JPH3: variants seen among roughly 807,000 people sequenced by gnomAD.
The protein encoded by JPH3 is junctophilin-3.
A neutral mutation model predicts 59.6 loss-of-function variants in JPH3; 11 were observed. The ratio of observed to expected loss-of-function variants is 0.18; its 90% CI spans 0.12 to 0.31. The LOEUF (loss-of-function observed/expected upper bound fraction) is 0.31. JPH3 is among the 10% of genes least tolerant of loss of function. JPH3 has a pLI of 1.00. For missense variants in JPH3, 1,202 were observed against 1,105.7 expected (o/e 1.09, Z -1.24); for synonymous variants, 673 against 483.6 (o/e 1.39, Z -5.14).
In JPH3 at chr16:87,611,931, C is replaced by A. The variant is rs1286536438; in HGVS notation, c.382+8403C>A. Among the ~76,000 whole-genome samples, 1 of 152,166 alleles carries A rather than the reference C, an allele frequency of 6.6e-6. No homozygotes were observed. The highest frequency in any genetic ancestry group is 2.4e-5 in the African/African-American group (1 of 41,432). On this transcript the variant is annotated intron_variant, in intron 1 of 4. Coordinates refer to ENST00000284262, the MANE Select transcript of JPH3 (RefSeq NM_020655.4). This position sits in a 1 kb window ranked among gnomAD's most constrained non-coding sequence, Gnocchi z 4.5. ...ATGCAGCGTGTCAGGCCTGCCTGAC[C>A]TCCAGGGTCAGGATGTGTGTTTGGA...
intron 1 of JPH3, among the ~76,000 whole-genome samples, chr16:87,636,644 C>T (rs55701221): frequency 7.9e-5 from 12 of 152,306 alleles, no homozygotes; most frequent in African/African-American, 2.9e-4. Flanking sequence ...CGTGTGCTTT[C>T]GTGTAGCCAA....
At chr16:87,691,671 C>T (rs2033581417) in intron 4 of JPH3, among the ~76,000 whole-genome samples, 1 of 152,176 alleles carries the variant, frequency 6.6e-6, no homozygotes, top group Non-Finnish European at 1.5e-5. Context: ...GCGGCAATGC[C>T]TGTTTCTGCC....
At chr16:87,660,146 G>A (rs555125509) in intron 2 of JPH3, among the ~76,000 whole-genome samples, 1 of 152,250 alleles carries the variant, frequency 6.6e-6, no homozygotes, top group African/African-American at 2.4e-5. Context: ...ACCTGCCTCC[G>A]AGCCTGGGGA....
intron 2 of JPH3, among the ~76,000 whole-genome samples, chr16:87,647,399 AG>A (rs1422015103): frequency 2.0e-5 from 3 of 151,848 alleles, no homozygotes; most frequent in African/African-American, 7.3e-5. Context: ...AGACGGGTGG[AG>A]GGAGTGAGAG....
At chr16:87,681,037 C>T (rs1444879275) in intron 2 of JPH3, among the ~76,000 whole-genome samples, 2 of 152,146 alleles carry the variant, frequency 1.3e-5, no homozygotes, top group African/African-American at 2.4e-5. Context: ...CCGTCCTCTC[C>T]GGGAGCTTAC....
chr16:87,627,498 T>G (rs1369138553), intron 1 of JPH3, among the ~76,000 whole-genome samples: 2 of 152,134 alleles, frequency 1.3e-5, no homozygotes, highest in Non-Finnish European at 2.9e-5. Flanking sequence ...GCTTTGTAAG[T>G]GCAGACCCGT....
At chr16:87,692,093 G>T (rs564833117) in intron 4 of JPH3, among the ~76,000 whole-genome samples, 1 of 152,032 alleles carries the variant, frequency 6.6e-6, no homozygotes, top group African/African-American at 2.4e-5. Flanking sequence ...CTAATCTGGA[G>T]GTCCCGTCAG....
At position 87,626,202 on chromosome 16, in the gene JPH3, A is replaced by G. The variant is rs556434125; in HGVS notation, c.383-18056A>G. On this transcript the variant is annotated intron_variant, in intron 1 of 4. Coordinates refer to ENST00000284262, the MANE Select transcript of JPH3 (RefSeq NM_020655.4). ...TTTGTGCTTAGTAACTGGGTCTTCA[A>G]GGCAGCCCTGTGGGGTGGGAATCAT... Among the ~76,000 whole-genome samples, 6 of 152,280 alleles carry G rather than the reference A, an allele frequency of 3.9e-5. No individual in the cohort carries two copies. In the South Asian group the frequency reaches 8.3e-4, roughly 21 times the overall value.
intron 2 of JPH3, among the ~76,000 whole-genome samples, chr16:87,646,837 G>A (rs1204516067): frequency 6.6e-6 from 1 of 152,206 alleles, no homozygotes; most frequent in Non-Finnish European, 1.5e-5. Context: ...AGTGGACAGT[G>A]CCCTGCAGGA....
intron 1 of JPH3, among the ~76,000 whole-genome samples, chr16:87,640,755 G>A (rs1003112288): frequency 1.3e-5 from 2 of 152,298 alleles, no homozygotes; most frequent in Admixed American, 1.3e-4. Context: ...ACGATGTGTT[G>A]TTCATCTGAA....
At chr16:87,684,044 G>T in intron 2 of JPH3, 98 bp from the exon 3 acceptor site, 2 of 829,706 alleles carry the variant, frequency 2.4e-6, no homozygotes, top group East Asian at 2.6e-5. Context: ...TCTTGTCTTA[G>T]CCCAGCCCGT....
In JPH3 at chr16:87,644,853, G is replaced by T. The variant is rs770946209; in HGVS notation, c.978G>T (p.Met326Ile). Residue 326 changes from methionine (M) to isoleucine (I), a missense_variant, in exon 2 of 5, where the codon ATG becomes ATT. Physicochemically the swap from Met to Ile is conservative, Grantham distance 10. Transcript: ENST00000284262. ...ASNRRHGYGC[M>I]TFPDGTKEEG... Reference sequence around the variant, plus strand: ...ACCGGCGCCATGGCTACGGCTGCATGACCTTCCCGGACGGCACCAAGGAGG... The same window carrying T: ...ACCGGCGCCATGGCTACGGCTGCATTACCTTCCCGGACGGCACCAAGGAGG... 7 of 1,613,488 alleles carry T rather than the reference G, an allele frequency of 4.3e-6. No individual in the cohort carries two copies. In the East Asian group the frequency reaches 1.1e-4, roughly 26 times the overall value.
chr16:87,656,152 G>A lies in JPH3; in HGVS notation c.1160+11117G>A, dbSNP rs541046709. ...GCTGTGAGCCAGGAGCCCTGAGGGC[G>A]TCTCTGCCCGCCTATCTCAGAGCAC... On this transcript the variant is annotated intron_variant, in intron 2 of 4. Coordinates refer to ENST00000284262, the MANE Select transcript of JPH3 (RefSeq NM_020655.4). 3.9e-5 allele frequency among the ~76,000 whole-genome samples: 6 copies of A among 152,328 alleles called. No homozygotes were observed. The East Asian group carries it at 9.6e-4, about 24-fold the overall frequency.
chr16:87,647,950 G>A (rs549149955), intron 2 of JPH3, among the ~76,000 whole-genome samples: 13 of 152,326 alleles, frequency 8.5e-5, no homozygotes, highest in African/African-American at 3.1e-4. Context: ...CAGGCCGGTC[G>A]CCTCCCCTCT....
At chr16:87,648,317 C>T (rs1251307127) in intron 2 of JPH3, among the ~76,000 whole-genome samples, 3 of 152,098 alleles carry the variant, frequency 2.0e-5, no homozygotes, top group Admixed American at 1.3e-4. Context: ...CTGGCTCAGG[C>T]GCCCACAGCC....
intron 2 of JPH3, among the ~76,000 whole-genome samples, chr16:87,678,896 A>G (rs933133664): frequency 6.6e-6 from 1 of 152,210 alleles, no homozygotes; most frequent in Admixed American, 6.5e-5. Flanking sequence ...GAGAGGATGG[A>G]TGGGAGGATT....
In JPH3 at chr16:87,605,513, G is replaced by A. The variant is rs544030663; in HGVS notation, c.382+1985G>A. 2.6e-5 allele frequency among the ~76,000 whole-genome samples: 4 copies of A among 152,340 alleles called. No homozygotes were observed. The South Asian group carries it at 8.3e-4, about 32-fold the overall frequency. The stretch of plus-strand genomic sequence containing the variant: ...TTGAGGGAGAAGGAGCGGCGATTAT[G>A]TTGTGACTTTTTAGGGAAGAAAGGA... On this transcript the variant is annotated intron_variant, in intron 1 of 4. Transcript: ENST00000284262.
intron 1 of JPH3, among the ~76,000 whole-genome samples, chr16:87,607,010 G>T (rs1268038466): frequency 2.0e-5 from 3 of 152,168 alleles, no homozygotes; most frequent in Non-Finnish European, 4.4e-5. Flanking sequence ...ACTCAGGACA[G>T]CCATCCCAGA....
chr16:87,605,001 G>A (rs977962448), intron 1 of JPH3: 7 of 448,024 alleles, frequency 1.6e-5, no homozygotes, highest in African/African-American at 1.2e-4. Flanking sequence ...GTGCGCGCGC[G>A]TGCAGGCACA....
Sources: allele counts gnomAD v4.1 joint callset (sites outside exome capture counted in the v4.1 genomes callset), GRCh38; gene constraint gnomAD v4.1.1; non-coding constraint Gnocchi (gnomAD v3.1); transcripts MANE v1.5; gene names NCBI Gene and HGNC (gene_info 2026-07-23, HGNC 2026-07-21).